B4GALNT3: variants seen among roughly 807,000 people sequenced by gnomAD.
The protein encoded by B4GALNT3 is beta-1,4-N-acetylgalactosaminyltransferase 3.
A neutral mutation model predicts 120.2 loss-of-function variants in B4GALNT3; 86 were observed. The observed-to-expected ratio is 0.72, with a 90% CI of 0.60 to 0.86. The LOEUF (loss-of-function observed/expected upper bound fraction) is 0.86. Ranked by LOEUF, B4GALNT3 falls within the 40% of genes least tolerant of loss-of-function variation. B4GALNT3 has a pLI of 0.00. For missense variants in B4GALNT3, 1,167 were observed against 1,298.9 expected (o/e 0.90, Z 1.56); for synonymous variants, 518 against 510.4 (o/e 1.01, Z -0.20).
intron 1 of B4GALNT3, among the ~76,000 whole-genome samples, chr12:489,315 A>G (rs1251717586): frequency 6.7e-6 from 1 of 149,888 alleles, no homozygotes; most frequent in Non-Finnish European, 1.5e-5. Flanking sequence ...CTGCACATGT[A>G]TCCCAGAACT....
rs555572580 is a variant in B4GALNT3 at position 487,052 on chromosome 12, G to A, written c.169+26507G>A. Among the ~76,000 whole-genome samples the A allele has an allele frequency of 9.2e-5, 14 of 152,254 alleles. No individual in the cohort carries two copies. The South Asian group carries it at 2.9e-3, about 32-fold the overall frequency. On this transcript the variant is annotated intron_variant, in intron 1 of 19. Coordinates refer to ENST00000266383, the MANE Select transcript of B4GALNT3 (RefSeq NM_173593.4). The stretch of plus-strand genomic sequence containing the variant: ...AACCCCTCTAACAGAAATGAAGAAT[G>A]TCTTCAATGGACTCATTAGTAGATG...
Position 561,438 on chromosome 12 carries a change from T to C in B4GALNT3, c.2984T>C (p.Met995Thr). The change falls in exon 20 of 20, where the codon ATG becomes ACG. Residue 995 changes from methionine (M) to threonine (T), a missense_variant. Coordinates refer to ENST00000266383, the MANE Select transcript of B4GALNT3 (RefSeq NM_173593.4). ...SKRGMWSRRQMKTL is the reference protein window; with the variant it reads ...SKRGMWSRRQTKTL The stretch of plus-strand genomic sequence containing the variant: ...CGAGGCATGTGGAGCCGTCGCCAGA[T>C]GAAGACGCTGTAGCCGGAGGGTGTC... 6.2e-7 allele frequency: 1 copy of C among 1,612,840 alleles called. No individual in the cohort carries two copies. Among genetic ancestry groups the C allele is most frequent in the Non-Finnish European group, 8.5e-7 (1 of 1,179,704 alleles).
At chr12:541,253 CTG>C (rs1439845325) in intron 3 of B4GALNT3, among the ~76,000 whole-genome samples, 1 of 152,224 alleles carries the variant, frequency 6.6e-6, no homozygotes. Context: ...GGGTTACTTG[CTG>C]TGTGTCCTTG....
chr12:478,284 A>T (rs1207506601), intron 1 of B4GALNT3, among the ~76,000 whole-genome samples: 2 of 32,290 alleles, frequency 6.2e-5, no homozygotes, highest in South Asian at 9.7e-4. Context: ...TAGAGGAGGT[A>T]AAAAAAAAAA....
chr12:553,233 A>T lies in B4GALNT3; in HGVS notation c.1310A>T (p.Glu437Val). Residue 437 changes from glutamate (E) to valine (V), a missense_variant, in exon 14 of 20, where the codon GAA becomes GTA. By Grantham distance (121) the Glu-to-Val change is moderately radical (BLOSUM62 -2). This residue lies in a region of B4GALNT3 where 983 missense variants were observed against 1,102.5 expected (regional missense o/e 0.89). Coordinates refer to ENST00000266383, the MANE Select transcript of B4GALNT3 (RefSeq NM_173593.4). ...ENLLEESQYG[E>V]VAEETPASNN... The stretch of plus-strand genomic sequence containing the variant: ...CTTCTAGAAGAGTCCCAGTATGGGG[A>T]AGTGGCAGAGGAGACCCCTGCCTCC... 1 of 1,613,482 alleles carries T rather than the reference A, an allele frequency of 6.2e-7. No homozygotes were observed. The highest frequency in any genetic ancestry group is 2.2e-5 in the East Asian group (1 of 44,880).
chr12:464,473 A>G (rs968439372), intron 1 of B4GALNT3, among the ~76,000 whole-genome samples: 3 of 151,898 alleles, frequency 2.0e-5, no homozygotes, highest in Admixed American at 6.6e-5. Flanking sequence ...CTACTAAAAA[A>G]GATTAAAAAA....
chr12:499,252 T>C (rs1946417239), intron 1 of B4GALNT3, among the ~76,000 whole-genome samples: 1 of 152,242 alleles, frequency 6.6e-6, no homozygotes, highest in Admixed American at 6.5e-5. Flanking sequence ...TTAAGATCCA[T>C]GCAGGTAGCT....
At chr12:492,372 A>T (rs765496343) in intron 1 of B4GALNT3, among the ~76,000 whole-genome samples, 3 of 152,220 alleles carry the variant, frequency 2.0e-5, no homozygotes, top group Non-Finnish European at 4.4e-5. Flanking sequence ...TCACATTAGC[A>T]TCCCCCCAAA....
At chr12:524,865 C>T (rs137967435) in intron 1 of B4GALNT3, among the ~76,000 whole-genome samples, 1,687 of 152,238 alleles carry the variant, frequency 0.011, 10 homozygotes, top group Non-Finnish European at 0.017. Flanking sequence ...CCTGCGCAAA[C>T]GCACATTCGT....
intron 1 of B4GALNT3, among the ~76,000 whole-genome samples, chr12:507,799 G>C (rs141106857): frequency 4.1e-4 from 59 of 145,646 alleles, no homozygotes; most frequent in African/African-American, 1.6e-3. Context: ...TCCAGTAGTA[G>C]CTTGGTGGAC....
At chr12:539,234 GT>G in intron 3 of B4GALNT3, among the ~76,000 whole-genome samples, 1 of 152,292 alleles carries the variant, frequency 6.6e-6, no homozygotes, top group African/African-American at 2.4e-5. Flanking sequence ...TGGAGTGACT[GT>G]TTCAAAACTT....
chr12:521,049 G>A (rs913159169), intron 1 of B4GALNT3, among the ~76,000 whole-genome samples: 3 of 152,138 alleles, frequency 2.0e-5, no homozygotes, highest in African/African-American at 4.8e-5. Flanking sequence ...CATTAAAAAC[G>A]TAATGACTCT....
At chr12:554,147 C>T (rs984066825) in intron 14 of B4GALNT3, among the ~76,000 whole-genome samples, 164 bp downstream of exon 14, 1 of 152,212 alleles carries the variant, frequency 6.6e-6, no homozygotes, top group African/African-American at 2.4e-5. Flanking sequence ...CCCGGGGCCC[C>T]TGTCCCTGGA....
At chr12:482,070 T>C (rs572785085) in intron 1 of B4GALNT3, among the ~76,000 whole-genome samples, 1 of 152,262 alleles carries the variant, frequency 6.6e-6, no homozygotes, top group East Asian at 1.9e-4. Context: ...AATAATCTAA[T>C]TGAGTGCTTC....
chr12:512,553 G>GACCTTCCACCTTCCACCTTCC (rs1260453642), intron 1 of B4GALNT3, among the ~76,000 whole-genome samples: 3 of 56,042 alleles, frequency 5.4e-5, no homozygotes, highest in East Asian at 6.1e-4. Context: ...TTCCACCTTC[G>GACCTTCCACCTTCCACCTTCC]ACCTTCCACC....
At chr12:468,819 G>A (rs930503888) in intron 1 of B4GALNT3, among the ~76,000 whole-genome samples, 3 of 152,180 alleles carry the variant, frequency 2.0e-5, no homozygotes, top group African/African-American at 4.8e-5. Flanking sequence ...TTGTGTTCTC[G>A]TGGTGCCTAG....
intron 1 of B4GALNT3, among the ~76,000 whole-genome samples, chr12:471,069 C>A (rs1472812194): frequency 6.6e-6 from 1 of 150,688 alleles, no homozygotes; most frequent in Non-Finnish European, 1.5e-5. Flanking sequence ...TTATTTTGTT[C>A]TATTTCAAAT....
chr12:491,976 T>TGAACCCA (rs900774021), intron 1 of B4GALNT3, among the ~76,000 whole-genome samples: 4 of 149,730 alleles, frequency 2.7e-5, no homozygotes, highest in African/African-American at 7.4e-5. Context: ...GAAAATTGTG[T>TGAACCCA]GAACCCAGGA....
chr12:553,346 C>A lies in B4GALNT3; in HGVS notation c.1423C>A (p.Leu475Met). ...QDATDYRLRS[L>M]RKLLAQPREG... ...TGCCACTGACTACCGCCTCCGAAGCCTGCGGAAACTCCTGGCTCAGCCCCG... is the reference window on the plus strand; with the variant it reads ...TGCCACTGACTACCGCCTCCGAAGCATGCGGAAACTCCTGGCTCAGCCCCG... The change falls in exon 14 of 20, where the codon CTG (leucine) becomes ATG (methionine). Residue 475 changes from leucine to methionine, a missense_variant. Leu to Met is a conservative substitution (Grantham distance 15, BLOSUM62 2). Coordinates refer to ENST00000266383, the MANE Select transcript of B4GALNT3 (RefSeq NM_173593.4). The A allele has an allele frequency of 2.5e-6, 4 of 1,613,818 alleles. No homozygotes were observed. Among genetic ancestry groups the A allele is most frequent in the Non-Finnish European group, 3.4e-6 (4 of 1,180,052 alleles).
Sources: gnomAD v4.1 joint callset for allele counts (sites outside exome capture counted in the v4.1 genomes callset) on GRCh38, gnomAD v4.1.1 for gene constraint, gnomAD v4.1.1 regional missense constraint, MANE v1.5 for transcripts, NCBI Gene and HGNC (gene_info 2026-07-23, HGNC 2026-07-21) for gene names.